Variants in SPATA13 observed in about 807,000 individuals in gnomAD.
SPATA13 encodes spermatogenesis associated 13, also known as spermatogenesis-associated protein 13.
SPATA13 carries 50 observed loss-of-function variants against 104.0 expected under a neutral mutation model. The observed-to-expected ratio is 0.48, with a 90% CI of 0.38 to 0.61. The LOEUF (loss-of-function observed/expected upper bound fraction) is 0.61, where lower values mean the gene tolerates loss of function less well. Among genes scored for constraint, SPATA13 ranks in the 20% least tolerant of loss-of-function variants. The probability of loss-of-function intolerance (pLI) is 0.00; values close to 1 mark genes in which losing one functional copy is unlikely to be tolerated. For missense variants in SPATA13, 1,524 were observed against 1,690.6 expected, an observed-to-expected ratio of 0.90 and a Z score of 1.73; for synonymous variants, 606 against 667.5, an observed-to-expected ratio of 0.91 and a Z score of 1.42.
rs1443597081 is a variant in SPATA13, at chr13:24,084,076, TCTC to T, written c.-112+66376_-112+66378del. Among the ~76,000 whole-genome samples, 7 of 151,620 alleles carry T rather than the reference TCTC, an allele frequency of 4.6e-5. No individual in the cohort carries two copies. The South Asian group carries it at 8.3e-4, about 18-fold the overall frequency. ...TTTAACAAGCGTTTTTACTCCTTCT[TCTC>T]AGAAAGAGAAAGGGGGAGAAAGAGA... On this transcript the variant is annotated intron_variant, in intron 3 of 14. Coordinates refer to the SPATA13 transcript ENST00000424834.
intron 4 of SPATA13, among the ~76,000 whole-genome samples, chr13:24,256,765 G>A (rs1045306086): frequency 7.2e-5 from 11 of 152,194 alleles, no homozygotes; most frequent in Admixed American, 6.5e-4. Flanking sequence ...AGTCATGTTT[G>A]TAGGCTACTG....
At chr13:24,157,649 C>T (rs1031922837), upstream of SPATA13, among the ~76,000 whole-genome samples, 1 of 152,104 alleles carries the variant, frequency 6.6e-6, no homozygotes, top group Non-Finnish European at 1.5e-5. Context: ...ATACGGGTTA[C>T]TTTATAGGAG....
At chr13:24,268,878 A>G (rs1874416263) in intron 4 of SPATA13, among the ~76,000 whole-genome samples, 1 of 152,172 alleles carries the variant, frequency 6.6e-6, no homozygotes, top group Admixed American at 6.5e-5. Context: ...GTTTCCCAGA[A>G]AACTGTCCTT....
chr13:24,037,964 T>G (rs1350336401), intron 3 of SPATA13, among the ~76,000 whole-genome samples: 3 of 152,112 alleles, frequency 2.0e-5, no homozygotes, highest in Admixed American at 6.5e-5. Flanking sequence ...CAGGCTGCAT[T>G]GCAGTGGCAC....
chr13:24,009,150 C>T (rs550967947), intron 2 of SPATA13, among the ~76,000 whole-genome samples: 143 of 152,336 alleles, frequency 9.4e-4, no homozygotes, highest in Non-Finnish European at 8.8e-5. Flanking sequence ...CTAAACTCTG[C>T]TCTGGTTCTT....
At chr13:24,060,687 G>A (rs925726408) in intron 3 of SPATA13, among the ~76,000 whole-genome samples, 2 of 127,962 alleles carry the variant, frequency 1.6e-5, no homozygotes, top group Admixed American at 8.2e-5. Context: ...CTATGCCTCT[G>A]ACAAAGGTCT....
At chr13:24,172,961 C>CT (rs765170207) in intron 1 of SPATA13, among the ~76,000 whole-genome samples, 20 of 152,274 alleles carry the variant, frequency 1.3e-4, no homozygotes, top group Middle Eastern at 3.4e-3. Context: ...TTTATTTTAT[C>CT]TTTTTTGATT....
intron 1 of SPATA13, among the ~76,000 whole-genome samples, chr13:24,179,329 T>C (rs577622000): frequency 4.0e-4 from 61 of 152,340 alleles, no homozygotes; most frequent in African/African-American, 1.3e-3. Flanking sequence ...TAACTCAGTG[T>C]TGAAATTTTG....
intron 3 of SPATA13, among the ~76,000 whole-genome samples, chr13:24,119,220 G>A (rs1365921280): frequency 6.6e-6 from 1 of 151,844 alleles, no homozygotes; most frequent in African/African-American, 2.4e-5. Flanking sequence ...ACTAACTTAT[G>A]TTCCCATTTT....
intron 3 of SPATA13, chr13:24,122,752 G>A (rs1881078086): frequency 2.4e-6 from 2 of 832,640 alleles, no homozygotes; most frequent in Non-Finnish European, 4.3e-6. Context: ...CCATCTTGCT[G>A]GAAGACTTCA....
chr13:24,216,726 T>C (rs1871276462), intron 1 of SPATA13, among the ~76,000 whole-genome samples: 1 of 152,180 alleles, frequency 6.6e-6, no homozygotes, highest in Non-Finnish European at 1.5e-5. Flanking sequence ...ATCTCTGAAA[T>C]TAGGACCTTG....
intron 3 of SPATA13, among the ~76,000 whole-genome samples, chr13:24,131,989 G>T (rs1881400958): frequency 6.6e-6 from 1 of 152,198 alleles, no homozygotes; most frequent in African/African-American, 2.4e-5. Context: ...CTTGCAGCTA[G>T]GGTTGACTGT....
intron 2 of SPATA13, among the ~76,000 whole-genome samples, chr13:24,243,745 AG>A (rs1398557709): frequency 6.6e-6 from 1 of 152,148 alleles, no homozygotes; most frequent in Non-Finnish European, 1.5e-5. Flanking sequence ...TCAACTGCCA[AG>A]GTGTATTCCT....
intron 3 of SPATA13, among the ~76,000 whole-genome samples, chr13:24,109,885 G>A (rs1322746422): frequency 6.6e-6 from 1 of 151,750 alleles, no homozygotes; most frequent in Non-Finnish European, 1.5e-5. Context: ...ATTTCTAGAA[G>A]TGAAATTGTT....
At chr13:24,186,252 TGATGTAGGGTTAA>T (rs1869143792) in intron 1 of SPATA13, among the ~76,000 whole-genome samples, 1 of 152,120 alleles carries the variant, frequency 6.6e-6, no homozygotes, top group Non-Finnish European at 1.5e-5. Flanking sequence ...CCTGCTTACA[TGATGTAGGGTTAA>T]TTGCAAAGCA....
At chr13:24,000,726 G>A (rs1875924347) in intron 2 of SPATA13, among the ~76,000 whole-genome samples, 1 of 152,108 alleles carries the variant, frequency 6.6e-6, no homozygotes, top group African/African-American at 2.4e-5. Flanking sequence ...GTGAATTTGG[G>A]AGAGCTCTGG....
At chr13:24,097,064 C>T (rs930978629) in intron 3 of SPATA13, among the ~76,000 whole-genome samples, 1 of 152,130 alleles carries the variant, frequency 6.6e-6, no homozygotes, top group Non-Finnish European at 1.5e-5. Flanking sequence ...AGCGTTGGCC[C>T]CGGCTGAAAC....
intron 3 of SPATA13, among the ~76,000 whole-genome samples, chr13:24,044,294 G>A (rs1269948456): frequency 2.1e-5 from 3 of 145,502 alleles, no homozygotes; most frequent in East Asian, 4.2e-4. Flanking sequence ...GTGCAGCAGC[G>A]CTATCATGGC....
chr13:23,996,564 T>G (rs1198323610), intron 2 of SPATA13, among the ~76,000 whole-genome samples: 1 of 152,224 alleles, frequency 6.6e-6, no homozygotes, highest in Non-Finnish European at 1.5e-5. Flanking sequence ...TGGTCACAGC[T>G]GGGCTCTTGC....
Sources: gnomAD v4.1 joint callset for allele counts (sites outside exome capture counted in the v4.1 genomes callset) on GRCh38, gnomAD v4.1.1 for gene constraint, MANE v1.5 for transcripts, NCBI Gene and HGNC (gene_info 2026-07-23, HGNC 2026-07-21) for gene names.